VRK2: variants seen among roughly 807,000 people sequenced by gnomAD.
VRK2 encodes serine/threonine-protein kinase VRK2.
In VRK2, 60 loss-of-function variants were observed where a neutral mutation model predicts 57.6. That is an observed-to-expected ratio of 1.04 (90% CI 0.85 to 1.29). VRK2 has a LOEUF of 1.29. Among genes scored for constraint, VRK2 ranks in the 50% most tolerant of loss-of-function variants. The pLI, the probability that VRK2 is intolerant of heterozygous loss-of-function variation, is 0.00. For synonymous variants in VRK2, 231 were observed against 199.2 expected, an observed-to-expected ratio of 1.16 and a Z score of -1.35; for missense variants, 705 against 588.1, an observed-to-expected ratio of 1.20 and a Z score of -2.06.
intron 1 of VRK2, among the ~76,000 whole-genome samples, chr2:57,948,684 G>A (rs1218535507): frequency 6.6e-6 from 1 of 152,072 alleles, no homozygotes; most frequent in Non-Finnish European, 1.5e-5. Flanking sequence ...TACCATCTGT[G>A]TACTGGTAAT....
chr2:58,159,555 C>T lies in VRK2; in HGVS notation c.1389C>T (p.Asp463=). 1 of 1,613,818 alleles carries T rather than the reference C, an allele frequency of 6.2e-7. No individual in the cohort carries two copies. The highest frequency in any genetic ancestry group is 2.2e-5 in the East Asian group (1 of 44,842). Residue 463 remains aspartate, a synonymous_variant, in exon 13 of 13, where the codon GAC becomes GAT. Coordinates refer to ENST00000340157, the MANE Select transcript of VRK2 (RefSeq NM_006296.7). ...YTSTVSTGIT[D]LESSTGLWPT... ...CCACAGTCAGCACGGGGATCACAGA[C>T]TTAGAAAGTTCAACTGGACTTTGGC...
intron 7 of VRK2, among the ~76,000 whole-genome samples, chr2:58,122,318 A>G (rs1010632382): frequency 2.6e-5 from 4 of 152,200 alleles, no homozygotes; most frequent in Non-Finnish European, 5.9e-5. Context: ...AAAAATTTGC[A>G]TAATTTTAAT....
intron 1 of VRK2, among the ~76,000 whole-genome samples, chr2:57,985,119 A>G (rs999740511): frequency 7.2e-5 from 11 of 152,174 alleles, no homozygotes; most frequent in African/African-American, 2.6e-4. Context: ...AGATGGATAG[A>G]GTGATAAATA....
At chr2:58,086,843 A>G (rs1280468183) in intron 5 of VRK2, among the ~76,000 whole-genome samples, 2 of 152,154 alleles carry the variant, frequency 1.3e-5, no homozygotes, top group Non-Finnish European at 2.9e-5. Context: ...AGAGCAATTA[A>G]TTGGGGGACG....
rs1027632937 is a variant in VRK2, at chr2:58,110,558, C to T, written c.544-12543C>T. ...TTGTGCTTTGTATTATTATACAGTA[C>T]TTTTTTGTTTCTCCTCAATTTCCTT... On this transcript the variant is annotated intron_variant, in intron 7 of 12. Transcript: ENST00000340157. 2.0e-5 allele frequency among the ~76,000 whole-genome samples: 3 copies of T among 152,106 alleles called. No homozygotes were observed. The East Asian group carries it at 5.8e-4, about 29-fold the overall frequency.
rs558685361 is a variant in VRK2 at position 57,929,088 on chromosome 2, G to A, written c.-439+21249G>A. ...ACCTATGTTTGCTCAAAGCCCAAGA[G>A]CTCTACAATCCGCAGGTAGCAAAGC... On this transcript the variant is annotated intron_variant, in intron 1 of 15. Transcript: ENST00000417641. 5.9e-5 allele frequency among the ~76,000 whole-genome samples: 9 copies of A among 152,134 alleles called. No individual in the cohort carries two copies. In the South Asian group the frequency reaches 1.9e-3, roughly 31 times the overall value.
chr2:57,990,768 A>C (rs1360060546), intron 1 of VRK2, among the ~76,000 whole-genome samples: 1 of 152,184 alleles, frequency 6.6e-6, no homozygotes, highest in East Asian at 1.9e-4. Flanking sequence ...TGTTTAGAAA[A>C]TACTTTGATA....
intron 1 of VRK2, among the ~76,000 whole-genome samples, chr2:58,015,679 T>C (rs960781601): frequency 1.3e-5 from 2 of 152,220 alleles, no homozygotes; most frequent in African/African-American, 2.4e-5. Context: ...CACTTCAATG[T>C]TTCAGTTATT....
chr2:58,072,133 T>G (rs553572657), intron 2 of VRK2, among the ~76,000 whole-genome samples: 68 of 152,150 alleles, frequency 4.5e-4, no homozygotes, highest in African/African-American at 1.5e-3. Flanking sequence ...ATTCTGCAAC[T>G]TTGCCATACT....
intron 7 of VRK2, 40 bp from the exon 8 acceptor site, chr2:58,123,061 G>T: frequency 2.5e-6 from 4 of 1,574,916 alleles, no homozygotes; most frequent in Non-Finnish European, 3.4e-6. Flanking sequence ...TGTTTTCAGA[G>T]GACAAAGGCA....
intron 1 of VRK2, among the ~76,000 whole-genome samples, chr2:58,017,521 G>A (rs1391620653): frequency 6.6e-6 from 1 of 152,054 alleles, no homozygotes; most frequent in Non-Finnish European, 1.5e-5. Context: ...GCCTCTTCAT[G>A]GCCTTCTTTC....
chr2:58,112,320 A>G (rs1489788052), intron 7 of VRK2, among the ~76,000 whole-genome samples: 1 of 152,196 alleles, frequency 6.6e-6, no homozygotes, highest in East Asian at 1.9e-4. Flanking sequence ...TACTTTGCCC[A>G]GTGATTATTA....
intron 2 of VRK2, among the ~76,000 whole-genome samples, chr2:58,073,568 T>A (rs925524979): frequency 6.6e-6 from 1 of 150,982 alleles, no homozygotes; most frequent in Non-Finnish European, 1.5e-5. Flanking sequence ...TCCCTCTTTA[T>A]TCCTGATTGT....
At chr2:57,968,083 T>C (rs187716146) in intron 1 of VRK2, among the ~76,000 whole-genome samples, 3 of 152,040 alleles carry the variant, frequency 2.0e-5, no homozygotes, top group African/African-American at 4.8e-5. Context: ...AAAAATATTA[T>C]AGGAAGCAAT....
intron 2 of VRK2, among the ~76,000 whole-genome samples, chr2:58,061,662 T>C (rs1677361642): frequency 6.6e-6 from 1 of 151,994 alleles, no homozygotes; most frequent in Non-Finnish European, 1.5e-5. Context: ...AACAAGGATG[T>C]ATATAGGGTA....
Position 58,097,894 on chromosome 2 carries a change from T to C in VRK2, c.543+8171T>C, listed in dbSNP as rs571835392. 4.2e-4 allele frequency among the ~76,000 whole-genome samples: 63 copies of C among 150,182 alleles called. 1 individual carries two copies. The Middle Eastern group carries it at 0.014, about 32-fold the overall frequency. On this transcript the variant is annotated intron_variant, in intron 7 of 12. Coordinates refer to ENST00000340157, the MANE Select transcript of VRK2 (RefSeq NM_006296.7). ...TTTTAGAGTATATTCCTTCTACTTA[T>C]ATAAAAAAAAAGTTAACTGTAAAAC...
chr2:57,989,101 G>C (rs1000992421), intron 1 of VRK2, among the ~76,000 whole-genome samples: 6 of 152,012 alleles, frequency 3.9e-5, no homozygotes, highest in Non-Finnish European at 8.8e-5. Flanking sequence ...AATTTGCATG[G>C]ATCCAATTCC....
intron 1 of VRK2, among the ~76,000 whole-genome samples, chr2:57,916,944 T>C (rs1670176166): frequency 1.3e-5 from 2 of 152,192 alleles, no homozygotes; most frequent in Non-Finnish European, 2.9e-5. Context: ...TAAACTAGCG[T>C]ATGTAAAGTA....
At chr2:58,110,641 G>A (rs978723677) in intron 7 of VRK2, among the ~76,000 whole-genome samples, 1 of 152,162 alleles carries the variant, frequency 6.6e-6, no homozygotes, top group Non-Finnish European at 1.5e-5. Flanking sequence ...AGAATTAGGA[G>A]GGCAAGGGCT....
Sources: gnomAD v4.1 joint callset for allele counts (sites outside exome capture counted in the v4.1 genomes callset) on GRCh38, gnomAD v4.1.1 for gene constraint, MANE v1.5 for transcripts, NCBI Gene and HGNC (gene_info 2026-07-23, HGNC 2026-07-21) for gene names.